The following MDGA2 variants were observed in gnomAD, a reference collection of about 807,000 sequenced individuals.
MDGA2 encodes the protein MAM domain-containing glycosylphosphatidylinositol anchor protein 2.
A neutral mutation model predicts 117.8 loss-of-function variants in MDGA2; 40 were observed. That is an observed-to-expected ratio of 0.34 (90% CI 0.26 to 0.44). The LOEUF is 0.44. Among genes scored for constraint, MDGA2 ranks in the 20% least tolerant of loss-of-function variants. MDGA2 has a pLI of 1.00. For synonymous variants in MDGA2, 452 were observed against 439.0 expected, an observed-to-expected ratio of 1.03 and a Z score of -0.37; for missense variants, 1,123 against 1,250.6, an observed-to-expected ratio of 0.90 and a Z score of 1.54.
intron 2 of MDGA2, among the ~76,000 whole-genome samples, chr14:47,279,896 C>G (rs1459385263): frequency 6.6e-6 from 1 of 152,104 alleles, no homozygotes; most frequent in Non-Finnish European, 1.5e-5. Context: ...TGGGATCTCA[C>G]TTTATTTTCC....
At chr14:46,905,752 G>A (rs1448860642) in intron 10 of MDGA2, among the ~76,000 whole-genome samples, 1 of 151,904 alleles carries the variant, frequency 6.6e-6, no homozygotes, top group Non-Finnish European at 1.5e-5. Flanking sequence ...AAAGAAAAAA[G>A]CATGTTCATT....
rs144285532 is a variant in MDGA2, at chr14:47,292,868, T to C, written c.420+8543A>G. Among the ~76,000 whole-genome samples, 306 of 152,330 alleles carry C rather than the reference T, an allele frequency of 2.0e-3. 2 individuals are homozygous for C. Among genetic ancestry groups the C allele is most frequent in the South Asian group, 8.9e-3 (43 of 4,832 alleles). ...CCTTGTATTTCATCCCTAAAAACACTATGATATATTATCCATTGTCATAAA... is the reference window on the plus strand; with the variant it reads ...CCTTGTATTTCATCCCTAAAAACACCATGATATATTATCCATTGTCATAAA... On this transcript the variant is annotated intron_variant, in intron 2 of 16. Transcript: ENST00000399232.
At chr14:47,116,747 A>C (rs1594639082) in intron 5 of MDGA2, among the ~76,000 whole-genome samples, 1 of 152,106 alleles carries the variant, frequency 6.6e-6, no homozygotes, top group Non-Finnish European at 1.5e-5. Flanking sequence ...TACACAATAC[A>C]CCAAAAACAA....
chr14:47,408,503 C>G (rs1892307019), intron 1 of MDGA2, among the ~76,000 whole-genome samples: 1 of 152,178 alleles, frequency 6.6e-6, no homozygotes, highest in Non-Finnish European at 1.5e-5. Context: ...TGAGCAATTG[C>G]TGGCTCTGAG....
chr14:47,373,006 T>C (rs907896179), intron 1 of MDGA2, among the ~76,000 whole-genome samples: 2 of 152,044 alleles, frequency 1.3e-5, no homozygotes, highest in African/African-American at 4.8e-5. Flanking sequence ...TTATCCCATT[T>C]TTAAAAATCA....
intron 8 of MDGA2, among the ~76,000 whole-genome samples, chr14:46,974,612 T>C (rs1294710204): frequency 2.0e-5 from 3 of 152,118 alleles, no homozygotes; most frequent in African/African-American, 7.2e-5. Context: ...AGAGGCAAGG[T>C]CATTCAATGG....
chr14:46,966,989 G>GA (rs146725877), intron 8 of MDGA2, among the ~76,000 whole-genome samples: 17,758 of 150,728 alleles, frequency 0.12, 2,015 homozygotes, highest in African/African-American at 0.27. Flanking sequence ...TTTATTTCTT[G>GA]AAAAAAAATG....
At chr14:47,557,237 T>C (rs1470808002) in intron 1 of MDGA2, among the ~76,000 whole-genome samples, 1 of 152,146 alleles carries the variant, frequency 6.6e-6, no homozygotes, top group East Asian at 1.9e-4. Flanking sequence ...AATGGCACTA[T>C]AAGGGAGGCA....
chr14:46,925,631 C>CAAAAAAAAAAAAAAAAA (rs34889177), intron 9 of MDGA2, among the ~76,000 whole-genome samples: 1 of 64,602 alleles, frequency 1.5e-5, no homozygotes, highest in African/African-American at 5.9e-5. Context: ...GACTCTACCT[C>CAAAAAAAAAAAAAAAAA]AAAAAAAAAA....
chr14:47,229,359 A>G (rs1886611850), intron 2 of MDGA2, among the ~76,000 whole-genome samples: 1 of 152,154 alleles, frequency 6.6e-6, no homozygotes, highest in African/African-American at 2.4e-5. Flanking sequence ...TGATGACACC[A>G]TGAAGCCACT....
At chr14:47,550,414 C>A (rs1594912386) in intron 1 of MDGA2, among the ~76,000 whole-genome samples, 1 of 152,250 alleles carries the variant, frequency 6.6e-6, no homozygotes, top group East Asian at 1.9e-4. Context: ...AATATTCCTT[C>A]ACTTATTTCG....
At chr14:46,959,237 C>T (rs1416369923) in intron 8 of MDGA2, among the ~76,000 whole-genome samples, 1 of 141,898 alleles carries the variant, frequency 7.0e-6, no homozygotes, top group Non-Finnish European at 1.5e-5. Flanking sequence ...CTTTTATCTC[C>T]AGCAATGCTA....
At chr14:47,342,310 G>A (rs1890654784) in intron 1 of MDGA2, among the ~76,000 whole-genome samples, 1 of 147,392 alleles carries the variant, frequency 6.8e-6, no homozygotes, top group Admixed American at 6.8e-5. Context: ...AAATATGTGT[G>A]TATATATATT....
intron 7 of MDGA2, among the ~76,000 whole-genome samples, chr14:47,046,993 C>T (rs1230204218): frequency 6.6e-6 from 1 of 152,006 alleles, no homozygotes; most frequent in Non-Finnish European, 1.5e-5. Context: ...AGAGATAATA[C>T]CAATTTATTT....
intron 2 of MDGA2, among the ~76,000 whole-genome samples, chr14:47,219,384 C>T (rs1283370436): frequency 6.6e-6 from 1 of 151,894 alleles, no homozygotes; most frequent in Non-Finnish European, 1.5e-5. Context: ...TTTTAAAAAT[C>T]TGTAAATCAC....
chr14:47,264,297 TAAAC>T (rs1328733163), intron 2 of MDGA2, among the ~76,000 whole-genome samples: 1 of 152,112 alleles, frequency 6.6e-6, no homozygotes, highest in Non-Finnish European at 1.5e-5. Context: ...TAAAAGATAA[TAAAC>T]AAAAAATAAT....
At position 46,870,248 on chromosome 14, in the gene MDGA2, G is replaced by T. The variant is rs550476044; in HGVS notation, c.2752+3185C>A. Among the ~76,000 whole-genome samples the T allele has an allele frequency of 5.9e-4, 89 of 151,900 alleles. No individual in the cohort carries two copies. The South Asian group carries it at 0.018, about 31-fold the overall frequency. ...TAGATAATTATGAACCTTCTCAATG[G>T]TATACTGTCCTTTAGTCACAGTTAA... On this transcript the variant is annotated intron_variant, in intron 14 of 16. Coordinates refer to ENST00000399232, the MANE Select transcript of MDGA2 (RefSeq NM_001113498.3).
intron 1 of MDGA2, among the ~76,000 whole-genome samples, chr14:47,438,894 T>C (rs1892948102): frequency 6.6e-6 from 1 of 152,148 alleles, no homozygotes; most frequent in Non-Finnish European, 1.5e-5. Context: ...CTGTACTGCC[T>C]TAGGAACAAG....
At chr14:47,650,779 A>T (rs984984759) in intron 1 of MDGA2, among the ~76,000 whole-genome samples, 1 of 152,200 alleles carries the variant, frequency 6.6e-6, no homozygotes, top group Non-Finnish European at 1.5e-5. Flanking sequence ...GCACAAAAAA[A>T]CAATGTGGAA....
Sources: gnomAD v4.1 joint callset for allele counts (sites outside exome capture counted in the v4.1 genomes callset) on GRCh38, gnomAD v4.1.1 for gene constraint, MANE v1.5 for transcripts, NCBI Gene and HGNC (gene_info 2026-07-23, HGNC 2026-07-21) for gene names.